Variants in TRPC5 observed in about 807,000 individuals in gnomAD.
The protein encoded by TRPC5 is transient receptor potential cation channel subfamily C member 5.
Under a neutral mutation model 56.5 loss-of-function variants are expected in TRPC5, and 9 were observed. The ratio of observed to expected loss-of-function variants is 0.16; its 90% CI spans 0.10 to 0.28. The LOEUF is 0.28. TRPC5 is among the 10% of genes least tolerant of loss of function. The pLI is 1.00. For synonymous variants in TRPC5, 282 were observed against 278.5 expected, an observed-to-expected ratio of 1.01 and a Z score of -0.13; for missense variants, 469 against 748.9, an observed-to-expected ratio of 0.63 and a Z score of 4.36.
intron 1 of TRPC5, among the ~76,000 whole-genome samples, chrX:112,032,201 C>T (rs905891177): frequency 1.8e-5 from 2 of 110,662 alleles, no homozygotes; most frequent in Non-Finnish European, 3.8e-5. Context: ...TGAGATATTA[C>T]CTCACTCCAG....
chrX:111,890,206 G>A (rs1033356206), intron 3 of TRPC5, among the ~76,000 whole-genome samples: 2 of 112,183 alleles, frequency 1.8e-5, no homozygotes, highest in Non-Finnish European at 3.8e-5. Flanking sequence ...CATTGTGTAA[G>A]GTATCATAAG....
intron 2 of TRPC5, among the ~76,000 whole-genome samples, chrX:111,920,921 A>G (rs1023942479): frequency 8.9e-6 from 1 of 111,916 alleles, no homozygotes; most frequent in Non-Finnish European, 1.9e-5. Context: ...GATCATGAAA[A>G]AACATAAACT....
At chrX:111,943,548 T>C (rs1926838295) in intron 2 of TRPC5, among the ~76,000 whole-genome samples, 1 of 112,634 alleles carries the variant, frequency 8.9e-6, no homozygotes, top group Non-Finnish European at 1.9e-5. Context: ...TTGAGCCATC[T>C]GCCACAGACA....
At chrX:111,782,967 T>C (rs1208199172) in intron 7 of TRPC5, among the ~76,000 whole-genome samples, 1 of 111,545 alleles carries the variant, frequency 9.0e-6, no homozygotes, top group African/African-American at 3.3e-5. Flanking sequence ...AGTCAAACTC[T>C]CCCAACCTCT....
At chrX:111,781,599 C>T (rs1467680942) in intron 8 of TRPC5, among the ~76,000 whole-genome samples, 1 of 112,273 alleles carries the variant, frequency 8.9e-6, no homozygotes, top group Admixed American at 9.4e-5. Flanking sequence ...TGGTGCTCGT[C>T]TGTAATCCCA....
chrX:111,832,891 C>A (rs1922452607), intron 7 of TRPC5, among the ~76,000 whole-genome samples: 1 of 111,287 alleles, frequency 9.0e-6, no homozygotes, highest in Non-Finnish European at 1.9e-5. Context: ...AGGACCACAG[C>A]CCTGCATTAG....
chrX:111,914,838 G>C (rs1925927480), intron 2 of TRPC5, among the ~76,000 whole-genome samples: 1 of 111,849 alleles, frequency 8.9e-6, no homozygotes, highest in Non-Finnish European at 1.9e-5. Flanking sequence ...CTAGAGTTGG[G>C]AGAGATGGGG....
At chrX:112,040,216 T>G (rs1265837551) in intron 1 of TRPC5, among the ~76,000 whole-genome samples, 1 of 112,234 alleles carries the variant, frequency 8.9e-6, no homozygotes, top group African/African-American at 3.2e-5. Flanking sequence ...TGTAGGTCTT[T>G]CAATCTAATA....
intron 1 of TRPC5, among the ~76,000 whole-genome samples, chrX:112,046,686 G>T (rs768743440): frequency 9.0e-5 from 10 of 111,515 alleles, no homozygotes; most frequent in Non-Finnish European, 1.9e-4. Context: ...CACACTTCAG[G>T]AATCTAAGGA....
chrX:111,968,127 G>GA (rs979806113), intron 1 of TRPC5, among the ~76,000 whole-genome samples: 4 of 110,307 alleles, frequency 3.6e-5, no homozygotes, highest in African/African-American at 1.3e-4. Context: ...AAATTTACAA[G>GA]AAAAAAACAA....
intron 3 of TRPC5, chrX:111,875,978 G>A (rs1923925123): frequency 9.2e-6 from 1 of 108,944 alleles, no homozygotes; most frequent in African/African-American, 3.4e-5. Flanking sequence ...TCAGAGGCAA[G>A]GTCTTTGGGA....
At chrX:111,991,413 C>T (rs1928349824) in intron 1 of TRPC5, among the ~76,000 whole-genome samples, 1 of 112,152 alleles carries the variant, frequency 8.9e-6, no homozygotes, top group Non-Finnish European at 1.9e-5. Flanking sequence ...AACCTTCTTT[C>T]TCTATCATCC....
At chrX:112,078,962 C>T (rs1930900226) in intron 1 of TRPC5, among the ~76,000 whole-genome samples, 1 of 111,531 alleles carries the variant, frequency 9.0e-6, no homozygotes, top group Admixed American at 9.5e-5. Flanking sequence ...CTTAGCTTAT[C>T]CCTCATCTGT....
chrX:111,856,753 T>C (rs765985706), intron 3 of TRPC5, among the ~76,000 whole-genome samples: 30 of 101,452 alleles, frequency 3.0e-4, no homozygotes, highest in African/African-American at 1.0e-3. Flanking sequence ...AAGGTGGAGG[T>C]TGCAGTGAGC....
At chrX:111,965,705 A>C (rs1213925370) in intron 1 of TRPC5, among the ~76,000 whole-genome samples, 1 of 112,178 alleles carries the variant, frequency 8.9e-6, no homozygotes, top group Admixed American at 9.4e-5. Flanking sequence ...GAAACTGAAC[A>C]ACCTGCTCCT....
chrX:111,778,567 T>C (rs1945896474), intron 10 of TRPC5, among the ~76,000 whole-genome samples: 1 of 112,028 alleles, frequency 8.9e-6, no homozygotes, highest in African/African-American at 3.2e-5. Flanking sequence ...TTTTAATGTT[T>C]AATGGTAGAG....
chrX:112,030,603 G>T (rs1249362212), intron 1 of TRPC5, among the ~76,000 whole-genome samples: 1 of 112,123 alleles, frequency 8.9e-6, no homozygotes, highest in Non-Finnish European at 1.9e-5. Flanking sequence ...GGATGGATTT[G>T]TCCATCAGCC....
At chrX:111,998,906 C>G in intron 1 of TRPC5, among the ~76,000 whole-genome samples, 1 of 111,100 alleles carries the variant, frequency 9.0e-6, no homozygotes, top group East Asian at 2.8e-4. Flanking sequence ...CCTGACAGTG[C>G]TATTGAACAC....
intron 2 of TRPC5, among the ~76,000 whole-genome samples, chrX:111,951,296 G>T (rs138169117): frequency 8.9e-6 from 1 of 111,750 alleles, no homozygotes; most frequent in African/African-American, 3.3e-5. Context: ...TCAAGGGACC[G>T]CACTTTAGGA....
Sources: gnomAD v4.1 joint callset for allele counts (sites outside exome capture counted in the v4.1 genomes callset) on GRCh38, gnomAD v4.1.1 for gene constraint, MANE v1.5 for transcripts, NCBI Gene and HGNC (gene_info 2026-07-23, HGNC 2026-07-21) for gene names.